Variants in TXLNB observed in about 807,000 individuals in gnomAD.
TXLNB encodes the protein beta-taxilin.
TXLNB carries 37 observed loss-of-function variants against 57.4 expected under a neutral mutation model. The ratio of observed to expected loss-of-function variants is 0.64; its 90% CI spans 0.50 to 0.85. The LOEUF is 0.85. TXLNB is among the 40% of genes least tolerant of loss of function. The pLI is 0.00. For synonymous variants in TXLNB, 302 were observed against 309.6 expected, an observed-to-expected ratio of 0.98 and a Z score of 0.26; for missense variants, 848 against 825.6, an observed-to-expected ratio of 1.03 and a Z score of -0.33.
the TXLNB span, among the ~76,000 whole-genome samples, chr6:139,298,562 T>C: frequency 6.6e-6 from 1 of 152,202 alleles, no homozygotes; most frequent in African/African-American, 2.4e-5. Context: ...TAGAACTGCA[T>C]GTTGACTTGT....
chr6:139,270,868 A>G (rs1389480998), intron 3 of TXLNB, among the ~76,000 whole-genome samples: 1 of 152,092 alleles, frequency 6.6e-6, no homozygotes, highest in Non-Finnish European at 1.5e-5. Flanking sequence ...ACTTTGATCT[A>G]TTTTTGGATG....
At chr6:139,255,766 A>T (rs1482595601) in intron 6 of TXLNB, 128 bp from the exon 7 acceptor site, 1 of 661,698 alleles carries the variant, frequency 1.5e-6, no homozygotes, top group African/African-American at 1.8e-5. Context: ...TGGAACTTTG[A>T]AAAGAATCTA....
chr6:139,262,649 A>G lies in TXLNB; in HGVS notation c.812T>C (p.Leu271Pro). Residue 271 changes from leucine to proline, a missense_variant, in exon 5 of 10, where the codon CTC becomes CCC. Transcript: ENST00000358430. The stretch of plus-strand genomic sequence containing the variant: ...TGCAAGCTCTGTGTTCTCCTGACAG[A>G]GCTTCATATTTCGCTCACTCTGCTG... Reference protein sequence around the residue: ...IEQQSERNMKLCQENTELAEK... With the variant: ...IEQQSERNMKPCQENTELAEK... 6.2e-7 allele frequency: 1 copy of G among 1,614,140 alleles called. No individual in the cohort carries two copies. Among genetic ancestry groups the G allele is most frequent in the Non-Finnish European group, 8.5e-7 (1 of 1,180,030 alleles).
At chr6:139,239,012 A>G (rs1313126376), downstream of TXLNB, 3 of 152,222 alleles carry the variant, frequency 2.0e-5, no homozygotes, top group Non-Finnish European at 4.4e-5. The surrounding 1 kb of genome is among the most constrained non-coding windows in gnomAD (Gnocchi z 4.7). Flanking sequence ...TCATCTCAAA[A>G]AAGGGGCTAT....
chr6:139,312,817 G>A, the TXLNB span, among the ~76,000 whole-genome samples: 1 of 152,186 alleles, frequency 6.6e-6, no homozygotes, highest in Admixed American at 6.5e-5. Flanking sequence ...CTGTACTGAG[G>A]AGAGGATGAC....
chr6:139,167,195 G>C, the TXLNB span: 1 of 1,614,196 alleles, frequency 6.2e-7, no homozygotes, highest in South Asian at 1.1e-5. Flanking sequence ...CCACAGAAAC[G>C]TGGTAAACTG....
At chr6:139,164,645 G>A in the TXLNB span, among the ~76,000 whole-genome samples, 3 of 152,124 alleles carry the variant, frequency 2.0e-5, no homozygotes, top group Non-Finnish European at 4.4e-5. Flanking sequence ...AAAATCCTAC[G>A]GAAATGCAAG....
At chr6:139,193,837 TA>T in the TXLNB span, among the ~76,000 whole-genome samples, 489 of 54,238 alleles carry the variant, frequency 9.0e-3, 7 homozygotes, top group African/African-American at 0.038. Context: ...TATATATATA[TA>T]TATTTTTTTT....
chr6:139,302,705 C>T, the TXLNB span, among the ~76,000 whole-genome samples: 1 of 151,538 alleles, frequency 6.6e-6, no homozygotes, highest in Non-Finnish European at 1.5e-5. Flanking sequence ...ATCACTTGAA[C>T]CCGGGAAGGA....
At chr6:139,254,143 A>C (rs2114479289) in intron 7 of TXLNB, among the ~76,000 whole-genome samples, 1 of 152,318 alleles carries the variant, frequency 6.6e-6, no homozygotes, top group African/African-American at 2.4e-5. Flanking sequence ...ATTATCAGAG[A>C]GTAGTTCATA....
At chr6:139,208,137 C>T in the TXLNB span, among the ~76,000 whole-genome samples, 1 of 151,956 alleles carries the variant, frequency 6.6e-6, no homozygotes, top group East Asian at 1.9e-4. Context: ...CACAGAAATA[C>T]AAAAGATCAT....
intron 6 of TXLNB, among the ~76,000 whole-genome samples, chr6:139,258,312 T>C (rs1776395372): frequency 6.6e-6 from 1 of 152,200 alleles, no homozygotes; most frequent in Admixed American, 6.5e-5. Flanking sequence ...ATCTTTGTCT[T>C]GTTCTTTCTC....
At chr6:139,227,827 C>T in the TXLNB span, among the ~76,000 whole-genome samples, 1 of 152,106 alleles carries the variant, frequency 6.6e-6, no homozygotes, top group Non-Finnish European at 1.5e-5. Context: ...AAAACAGCCC[C>T]CTTACACACA....
upstream of TXLNB, among the ~76,000 whole-genome samples, chr6:139,294,754 C>T (rs543955921): frequency 1.3e-5 from 2 of 152,148 alleles, no homozygotes; most frequent in Non-Finnish European, 2.9e-5. Context: ...CGTTGGGAGG[C>T]CAAGGCAGGT....
chr6:139,221,553 G>A, the TXLNB span, among the ~76,000 whole-genome samples: 3 of 151,860 alleles, frequency 2.0e-5, no homozygotes, highest in African/African-American at 7.3e-5. Flanking sequence ...CAAAATTGCT[G>A]AAAACCAAGG....
At chr6:139,195,350 A>G in the TXLNB span, among the ~76,000 whole-genome samples, 2 of 152,220 alleles carry the variant, frequency 1.3e-5, no homozygotes, top group African/African-American at 4.8e-5. Flanking sequence ...AGAAAATACA[A>G]TGATTATTTT....
chr6:139,212,295 C>T, the TXLNB span, among the ~76,000 whole-genome samples: 10 of 152,238 alleles, frequency 6.6e-5, no homozygotes, highest in Admixed American at 5.9e-4. Flanking sequence ...AGAAACTCTA[C>T]AAGCCAGAAG....
chr6:139,166,319 G>A, the TXLNB span: 62 of 1,611,620 alleles, frequency 3.8e-5, no homozygotes, highest in African/African-American at 5.3e-5. Context: ...CTGCAGCTTC[G>A]GTAGGCCGGT....
intron 7 of TXLNB, among the ~76,000 whole-genome samples, chr6:139,254,285 T>C (rs1168787030): frequency 6.6e-6 from 1 of 151,942 alleles, no homozygotes; most frequent in African/African-American, 2.4e-5. Flanking sequence ...AAATTTCTTA[T>C]TTGCTTTTTT....
Sources: gnomAD v4.1 joint callset for allele counts (sites outside exome capture counted in the v4.1 genomes callset) on GRCh38, gnomAD v4.1.1 for gene constraint, Gnocchi (gnomAD v3.1) non-coding constraint, MANE v1.5 for transcripts, NCBI Gene and HGNC (gene_info 2026-07-23, HGNC 2026-07-21) for gene names.